Variants in GRM1 observed in about 807,000 individuals in gnomAD.
GRM1 encodes glutamate metabotropic receptor 1.
A neutral mutation model predicts 90.9 loss-of-function variants in GRM1; 33 were observed. The ratio of observed to expected loss-of-function variants is 0.36; its 90% CI spans 0.28 to 0.49. GRM1 has a LOEUF of 0.49. GRM1 is among the 20% of genes least tolerant of loss of function. The probability of loss-of-function intolerance (pLI) is 0.99; values close to 1 mark genes in which losing one functional copy is unlikely to be tolerated. For missense variants in GRM1, 1,190 were observed against 1,534.3 expected (o/e 0.78, Z 3.75); for synonymous variants, 700 against 613.2 (o/e 1.14, Z -2.09).
At chr6:146,290,667 C>T (rs1486902809) in intron 2 of GRM1, among the ~76,000 whole-genome samples, 1 of 152,050 alleles carries the variant, frequency 6.6e-6, no homozygotes, top group Non-Finnish European at 1.5e-5. Flanking sequence ...TGTCTATATA[C>T]TGGTACTCCA....
intron 2 of GRM1, among the ~76,000 whole-genome samples, chr6:146,262,089 A>C (rs1223213226): frequency 2.6e-5 from 4 of 151,578 alleles, no homozygotes; most frequent in South Asian, 2.1e-4. Flanking sequence ...CAAAACAAAA[A>C]AAAAAAAAAG....
At chr6:146,161,681 A>G (rs1055734831) in intron 2 of GRM1, among the ~76,000 whole-genome samples, 4 of 152,148 alleles carry the variant, frequency 2.6e-5, no homozygotes, top group African/African-American at 7.2e-5. Context: ...GAGATGACAA[A>G]GCTATACCAT....
At chr6:146,299,389 A>T (rs1270718917) in intron 2 of GRM1, among the ~76,000 whole-genome samples, 3 of 151,234 alleles carry the variant, frequency 2.0e-5, no homozygotes, top group African/African-American at 7.4e-5. Context: ...TTGCATTAAA[A>T]AAAATGTTCT....
At chr6:146,320,931 A>G (rs1005883356) in intron 3 of GRM1, among the ~76,000 whole-genome samples, 1 of 148,254 alleles carries the variant, frequency 6.7e-6, no homozygotes, top group Non-Finnish European at 1.5e-5. Context: ...TCCTGAATTC[A>G]CTGATTTTTT....
intron 2 of GRM1, among the ~76,000 whole-genome samples, chr6:146,210,692 G>A (rs554592277): frequency 1.3e-5 from 2 of 152,204 alleles, no homozygotes; most frequent in African/African-American, 2.4e-5. Flanking sequence ...CCCTGAGTCC[G>A]CCTACTACCC....
intron 1 of GRM1, among the ~76,000 whole-genome samples, chr6:146,132,171 CA>C (rs1335717622): frequency 1.3e-5 from 2 of 152,086 alleles, no homozygotes; most frequent in Non-Finnish European, 2.9e-5. Context: ...TCCTAAGTGT[CA>C]GGGGAAACCA....
intron 2 of GRM1, among the ~76,000 whole-genome samples, chr6:146,219,471 G>A (rs1169738049): frequency 6.6e-6 from 1 of 151,966 alleles, no homozygotes; most frequent in Non-Finnish European, 1.5e-5. Context: ...AGCCCAGAAC[G>A]GCGGTTTTGA....
rs1412568160 is a variant in GRM1, at chr6:146,434,037, G to A, written c.2826G>A (p.Lys942=). 2 of 1,614,190 alleles carry A rather than the reference G, an allele frequency of 1.2e-6. No individual in the cohort carries two copies. Among genetic ancestry groups the A allele is most frequent in the Non-Finnish European group, 1.7e-6 (2 of 1,180,050 alleles). Residue 942 remains lysine, a synonymous_variant, in exon 8 of 8, where the codon AAG becomes AAA. Coordinates refer to ENST00000282753, the MANE Select transcript of GRM1 (RefSeq NM_001278064.2). The stretch of plus-strand genomic sequence containing the variant: ...CTAAAAGTTACCAAGGCTCTGGCAA[G>A]AGCCTGACCTTTTCAGATACCAGCA... ...PLTKSYQGSG[K]SLTFSDTSTK...
chr6:146,405,303 A>G (rs1777306609), intron 7 of GRM1, among the ~76,000 whole-genome samples: 1 of 152,210 alleles, frequency 6.6e-6, no homozygotes, highest in Admixed American at 6.5e-5. Flanking sequence ...ATGAGAAAAG[A>G]AGAAATACCG....
At chr6:146,192,975 A>T (rs2143323) in intron 2 of GRM1, among the ~76,000 whole-genome samples, 55,369 of 151,840 alleles carry the variant, frequency 0.36, 13,230 homozygotes, top group African/African-American at 0.69. Context: ...GGCCAGATTA[A>T]GGATAGAGTT....
At chr6:146,430,221 A>G (rs1426426677) in intron 7 of GRM1, among the ~76,000 whole-genome samples, 1 of 152,198 alleles carries the variant, frequency 6.6e-6, no homozygotes, top group Non-Finnish European at 1.5e-5. Flanking sequence ...GGGGATTGCG[A>G]TAGCTAACTA....
At chr6:146,340,143 G>A (rs116373340) in intron 3 of GRM1, among the ~76,000 whole-genome samples, 171 of 152,300 alleles carry the variant, frequency 1.1e-3, no homozygotes, top group African/African-American at 3.9e-3. Flanking sequence ...TGCCAGGTAT[G>A]TACTTAGAGA....
chr6:146,088,715 G>A (rs1160984377), intron 1 of GRM1, among the ~76,000 whole-genome samples: 1 of 152,036 alleles, frequency 6.6e-6, no homozygotes, highest in Non-Finnish European at 1.5e-5. Flanking sequence ...TACCATAAAT[G>A]GGGAGAAAAT....
At chr6:146,058,256 C>CT (rs1401777135) in intron 1 of GRM1, among the ~76,000 whole-genome samples, 2 of 152,024 alleles carry the variant, frequency 1.3e-5, no homozygotes, top group East Asian at 3.9e-4. Context: ...CTATAACTGG[C>CT]TATACAGGTG....
intron 2 of GRM1, among the ~76,000 whole-genome samples, chr6:146,182,536 A>G (rs1485402719): frequency 6.6e-6 from 1 of 152,144 alleles, no homozygotes; most frequent in African/African-American, 2.4e-5. Flanking sequence ...GACAACAATT[A>G]CTTGCCCTTT....
intron 7 of GRM1, among the ~76,000 whole-genome samples, chr6:146,414,261 T>C (rs1777680196): frequency 6.6e-6 from 1 of 152,060 alleles, no homozygotes; most frequent in African/African-American, 2.4e-5. Flanking sequence ...CCATTTGCAT[T>C]TTCCTGATGA....
Position 146,415,733 on chromosome 6 carries a change from G to A in GRM1, c.2660+16034G>A, listed in dbSNP as rs368082933. 1.4e-4 allele frequency among the ~76,000 whole-genome samples: 21 copies of A among 152,264 alleles called. No homozygotes were observed. The South Asian group carries it at 3.7e-3, about 27-fold the overall frequency. On this transcript the variant is annotated intron_variant, in intron 7 of 7. Coordinates refer to ENST00000282753, the MANE Select transcript of GRM1 (RefSeq NM_001278064.2). ...TCAAAAGTTCATCGTTATGTTTGATGCTATCTCTAGGTTTTGCAGAGATGC... is the reference window on the plus strand; with the variant it reads ...TCAAAAGTTCATCGTTATGTTTGATACTATCTCTAGGTTTTGCAGAGATGC...
intron 1 of GRM1, among the ~76,000 whole-genome samples, chr6:146,047,285 C>T (rs887825080): frequency 2.8e-5 from 4 of 140,572 alleles, no homozygotes; most frequent in South Asian, 4.9e-4. Flanking sequence ...ACTCATTTTT[C>T]GGGTTCTTTT....
intron 7 of GRM1, among the ~76,000 whole-genome samples, chr6:146,408,826 A>G (rs1032967272): frequency 6.6e-6 from 1 of 152,180 alleles, no homozygotes; most frequent in African/African-American, 2.4e-5. Context: ...TTTGCATCCC[A>G]TCTGCTAGCC....
Sources: allele counts gnomAD v4.1 joint callset (sites outside exome capture counted in the v4.1 genomes callset), GRCh38; gene constraint gnomAD v4.1.1; transcripts MANE v1.5; gene names NCBI Gene and HGNC (gene_info 2026-07-23, HGNC 2026-07-21).